Variants in BCR observed in about 807,000 individuals in gnomAD.
The protein encoded by BCR is BCR activator of RhoGEF and GTPase, also known as breakpoint cluster region protein.
BCR carries 58 observed loss-of-function variants against 138.6 expected under a neutral mutation model. The observed-to-expected ratio is 0.42, with a 90% CI of 0.34 to 0.52. The LOEUF (loss-of-function observed/expected upper bound fraction) is 0.52. BCR is among the 20% of genes least tolerant of loss of function. The pLI, the probability that BCR is intolerant of heterozygous loss-of-function variation, is 0.06. For missense variants in BCR, 1,599 were observed against 1,727.2 expected (o/e 0.93, Z 1.32); for synonymous variants, 786 against 730.1 (o/e 1.08, Z -1.23).
chr22:23,266,388 CTT>C (rs1022294438), intron 4 of BCR, among the ~76,000 whole-genome samples: 2 of 143,742 alleles, frequency 1.4e-5, no homozygotes, highest in Non-Finnish European at 1.5e-5. Flanking sequence ...CGCACCCTGC[CTT>C]TTTTTTTTTC....
At chr22:23,185,090 T>G (rs932079236) in intron 1 of BCR, among the ~76,000 whole-genome samples, 2 of 152,164 alleles carry the variant, frequency 1.3e-5, no homozygotes. Context: ...GACAAAGTGC[T>G]TCCCATAGGG....
intron 1 of BCR, among the ~76,000 whole-genome samples, chr22:23,246,459 C>G (rs569398578): frequency 2.6e-4 from 40 of 152,118 alleles, no homozygotes; most frequent in African/African-American, 9.2e-4. Flanking sequence ...CATTCTGGTA[C>G]AAGTTTTTGT....
At chr22:23,182,939 C>T (rs993155721) in intron 1 of BCR, among the ~76,000 whole-genome samples, 3 of 152,168 alleles carry the variant, frequency 2.0e-5, no homozygotes, top group Admixed American at 2.0e-4. Context: ...ATCTGCCTGG[C>T]TTTGATGGGA....
At chr22:23,254,219 G>A (rs1449030613) in intron 2 of BCR, among the ~76,000 whole-genome samples, 2 of 152,080 alleles carry the variant, frequency 1.3e-5, no homozygotes, top group African/African-American at 2.4e-5. Flanking sequence ...GGCAGCATGT[G>A]GTCTTGAGGC....
At chr22:23,315,380 A>G (rs2074058411) in intron 22 of BCR, 53 bp from the exon 23 acceptor site, 38 of 1,549,578 alleles carry the variant, frequency 2.5e-5, no homozygotes, top group Non-Finnish European at 3.4e-5. Context: ...TCCCACCAGC[A>G]GCTGTGAGCC....
chr22:23,288,891 A>G (rs1168576560), intron 12 of BCR, among the ~76,000 whole-genome samples: 1 of 152,152 alleles, frequency 6.6e-6, no homozygotes, highest in Non-Finnish European at 1.5e-5. Context: ...GGGGCTCTGC[A>G]TGCCTCTGGC....
intron 1 of BCR, among the ~76,000 whole-genome samples, chr22:23,227,621 G>C (rs987442853): frequency 6.6e-6 from 1 of 152,264 alleles, no homozygotes; most frequent in African/African-American, 2.4e-5. Flanking sequence ...CATTGGCCTT[G>C]ATGGCCTCTA....
Position 23,268,481 on chromosome 22 carries a change from G to A in BCR, c.1826G>A (p.Cys609Tyr). ...GVAMEMAEKC[C>Y]QANAQFAEIS... Reference sequence around the variant, plus strand: ...GCCATGGAAATGGCTGAGAAGTGCTGTCAGGCCAATGCTCAGTTTGCAGAA... The same window carrying A: ...GCCATGGAAATGGCTGAGAAGTGCTATCAGGCCAATGCTCAGTTTGCAGAA... Residue 609 changes from cysteine to tyrosine, a missense_variant, in exon 5 of 23, where the codon TGT becomes TAT. Cys to Tyr is a radical substitution (Grantham distance 194). Transcript: ENST00000305877. 1.2e-6 allele frequency: 2 copies of A among 1,613,964 alleles called. No individual in the cohort carries two copies. Among genetic ancestry groups the A allele is most frequent in the Non-Finnish European group, 1.7e-6 (2 of 1,179,924 alleles).
chr22:23,247,083 T>A (rs955228691), intron 1 of BCR, among the ~76,000 whole-genome samples: 22 of 152,126 alleles, frequency 1.4e-4, no homozygotes, highest in African/African-American at 5.3e-4. Flanking sequence ...AGTGCCTGCC[T>A]GACAATCCCT....
rs2074049062 is a variant in BCR, at chr22:23,314,726, C to T, written c.3726+12C>T. 2 of 1,611,794 alleles carry T rather than the reference C, an allele frequency of 1.2e-6. No individual in the cohort carries two copies. The highest frequency in any genetic ancestry group is 1.7e-6 in the Non-Finnish European group (2 of 1,179,842). ...AGGTCATGTCCCAGGTATGGGAAGA[C>T]AGGCTCCAGCCCATGCAACCCTGAC... On this transcript the variant is annotated intron_variant, in intron 22 of 22. Coordinates refer to ENST00000305877, the MANE Select transcript of BCR (RefSeq NM_004327.4).
At chr22:23,286,501 T>A (rs192307411) in intron 10 of BCR, among the ~76,000 whole-genome samples, 2 of 152,208 alleles carry the variant, frequency 1.3e-5, no homozygotes. Context: ...GGGTAGGGTG[T>A]CCCCACACAG....
intron 8 of BCR, among the ~76,000 whole-genome samples, chr22:23,276,404 AAAG>A (rs993195880): frequency 7.9e-6 from 1 of 126,406 alleles, no homozygotes; most frequent in Non-Finnish European, 1.7e-5. Context: ...GTCTCAAAAA[AAAG>A]AAAAAAAAAA....
rs768624799 is a variant in BCR, at chr22:23,287,162, G to A, written c.2410G>A (p.Ala804Thr). ...IKNDIQREKR[A>T]NKGSKATERL... ...AGGCTGTGGCATCTCCCCACAGAGG[G>A]CGAACAAGGGCAGCAAGGCTACGGA... is the stretch of plus-strand genomic sequence containing the variant. The change falls in exon 11 of 23, where the codon GCG becomes ACG. Residue 804 changes from alanine to threonine, a missense_variant. By Grantham distance (58) the Ala-to-Thr change is moderately conservative. Transcript: ENST00000305877. 3.2e-6 allele frequency: 5 copies of A among 1,578,160 alleles called. No individual in the cohort carries two copies. The East Asian group carries it at 9.3e-5, about 29-fold the overall frequency.
At chr22:23,266,313 T>C (rs185118344) in intron 4 of BCR, among the ~76,000 whole-genome samples, 1,738 of 152,186 alleles carry the variant, frequency 0.011, 26 homozygotes, top group African/African-American at 0.04. Flanking sequence ...GGTCTCAAAC[T>C]CCTGACCTCA....
At chr22:23,192,217 CTGAT>C (rs1445281568) in intron 1 of BCR, among the ~76,000 whole-genome samples, 1 of 151,870 alleles carries the variant, frequency 6.6e-6, no homozygotes, top group Non-Finnish European at 1.5e-5. Context: ...ACTCCCTCCA[CTGAT>C]TGAGTCTGAG....
At chr22:23,217,791 C>T (rs1219533269) in intron 1 of BCR, among the ~76,000 whole-genome samples, 1 of 152,202 alleles carries the variant, frequency 6.6e-6, no homozygotes, top group Non-Finnish European at 1.5e-5. Context: ...CGCACTTTGC[C>T]TACGTGTGGG....
intron 1 of BCR, among the ~76,000 whole-genome samples, chr22:23,208,957 G>A (rs1808935489): frequency 1.3e-5 from 2 of 152,300 alleles, no homozygotes; most frequent in African/African-American, 4.8e-5. Context: ...TTGGCTAATC[G>A]AGGTACTTCA....
intron 1 of BCR, among the ~76,000 whole-genome samples, chr22:23,250,702 G>C (rs774585048): frequency 2.0e-5 from 3 of 152,208 alleles, no homozygotes; most frequent in Non-Finnish European, 4.4e-5. Context: ...TTTAGAGCTA[G>C]AGGGTCTTTA....
At chr22:23,240,650 A>G (rs2073079329) in intron 1 of BCR, among the ~76,000 whole-genome samples, 1 of 152,156 alleles carries the variant, frequency 6.6e-6, no homozygotes, top group Admixed American at 6.5e-5. Flanking sequence ...AGACTGTCTC[A>G]AAAAGAAAAA....
Sources: gnomAD v4.1 joint callset for allele counts (sites outside exome capture counted in the v4.1 genomes callset) on GRCh38, gnomAD v4.1.1 for gene constraint, MANE v1.5 for transcripts, NCBI Gene and HGNC (gene_info 2026-07-23, HGNC 2026-07-21) for gene names.